Variants in C1QBP observed in about 807,000 individuals in gnomAD.
C1QBP encodes the protein complement component 1 Q subcomponent-binding protein, mitochondrial.
In C1QBP, 24 loss-of-function variants were observed where a neutral mutation model predicts 29.4. The ratio of observed to expected loss-of-function variants is 0.82; its 90% confidence interval spans 0.59 to 1.15. The LOEUF (loss-of-function observed/expected upper bound fraction) is 1.15. Among genes scored for constraint, C1QBP ranks in the 50% most tolerant of loss-of-function variants. C1QBP has a pLI of 0.00. For missense variants in C1QBP, 337 were observed against 355.8 expected (o/e 0.95, Z 0.43); for synonymous variants, 182 against 149.2 (o/e 1.22, Z -1.60).
intron 3 of C1QBP, 132 bp from the exon 4 acceptor site, chr17:5,433,899 A>T: frequency 1.3e-6 from 1 of 773,304 alleles, no homozygotes; most frequent in East Asian, 2.5e-5. Flanking sequence ...GTCTTATGCC[A>T]TACTATTCCC....
Position 5,438,856 on chromosome 17 carries a change from G to A in C1QBP, c.218C>T (p.Ser73Leu), listed in dbSNP as rs1052892904. 7 of 1,546,032 alleles carry A rather than the reference G, an allele frequency of 4.5e-6. 1 individual carries two copies. The highest frequency in any genetic ancestry group is 6.1e-6 in the Non-Finnish European group (7 of 1,145,804). ...CTAAACCTCACCGTCGGTGTGCAGC[G>A]AGCCGCAGCCACAGCCACAGGCGCA... ...GPCACGCGCG[S>L]LHTDGDKAFV... Residue 73 changes from serine to leucine, a missense_variant, in exon 1 of 6, where the codon TCG (serine) becomes TTG (leucine). Ser to Leu is a moderately radical substitution (Grantham distance 145). Transcript: ENST00000225698.
At chr17:5,437,747 C>T (rs1916313659) in intron 2 of C1QBP, among the ~76,000 whole-genome samples, 1 of 152,214 alleles carries the variant, frequency 6.6e-6, no homozygotes, top group Non-Finnish European at 1.5e-5. Flanking sequence ...AACTCCCCAC[C>T]TCTGATGGCA....
rs1277368372 is a variant in C1QBP, at chr17:5,433,492, A to AAACG, written c.577-78_577-77insCGTT. 15 of 1,583,354 alleles carry AAACG rather than the reference A, an allele frequency of 9.5e-6. No individual in the cohort carries two copies. In the East Asian group the frequency reaches 1.3e-4, roughly 14 times the overall value. ...CTCAGGGGAAGAAAGGGGGCCACTG[A>AAACG]CAGCATGAAACTCATCAGGTTTTAA... On this transcript the variant is annotated intron_variant, in intron 4 of 5. Transcript: ENST00000225698.
intron 2 of C1QBP, among the ~76,000 whole-genome samples, chr17:5,435,497 C>T (rs1005635667): frequency 6.6e-6 from 1 of 151,868 alleles, no homozygotes; most frequent in Admixed American, 6.6e-5. Context: ...AGCCCTGGAA[C>T]GGGGAAGGGA....
chr17:5,433,872 A>G, intron 3 of C1QBP, 105 bp from the exon 4 acceptor site: 2 of 984,006 alleles, frequency 2.0e-6, no homozygotes, highest in African/African-American at 1.6e-5. Flanking sequence ...TTAGGATATT[A>G]TGTAGCCATT....
In C1QBP at chr17:5,438,219, ATTT is replaced by A; in HGVS notation, c.284_286del (p.Lys95del). ...CTTAGGGAGGGTTTTATGCTTCTGA[ATTT>A]TTCTTTCCTCCTTAATTTCATCACT... On this transcript the variant is annotated inframe_deletion, in exon 2 of 6. Transcript: ENST00000225698. 1 of 1,614,088 alleles carries A rather than the reference ATTT, an allele frequency of 6.2e-7. No individual in the cohort carries two copies. The highest frequency in any genetic ancestry group is 1.1e-5 in the South Asian group (1 of 91,080).
In C1QBP at chr17:5,432,974, A is replaced by G. The variant is rs781552472; in HGVS notation, c.*41T>C. 3.1e-6 allele frequency: 5 copies of G among 1,589,266 alleles called. No homozygotes were observed. In the South Asian group the frequency reaches 5.7e-5, roughly 18 times the overall value. On this transcript the variant is annotated 3_prime_UTR_variant, in exon 6 of 6. Transcript: ENST00000225698. ...TCAGAGTAGGATTTGTTCACTGGCC[A>G]AAGCCTGCCATGAAACTATGGCTTT... is the stretch of plus-strand genomic sequence containing the variant.
At chr17:5,438,768 T>C (rs904490759) in intron 1 of C1QBP, 74 bp downstream of exon 1, 28 of 1,543,314 alleles carry the variant, frequency 1.8e-5, no homozygotes, top group Non-Finnish European at 2.4e-5. Context: ...CAGAGGTCGG[T>C]TGCAGGCCCT....
At chr17:5,438,084 A>T (rs1369783428) in intron 2 of C1QBP, 39 bp downstream of exon 2, 3 of 1,603,704 alleles carry the variant, frequency 1.9e-6, no homozygotes, top group East Asian at 2.2e-5. Flanking sequence ...TGCAAGGTTA[A>T]GGGAGTTGCT....
intron 3 of C1QBP, 128 bp from the exon 4 acceptor site, chr17:5,433,895 T>A: frequency 1.3e-6 from 1 of 797,466 alleles, no homozygotes; most frequent in Non-Finnish European, 2.1e-6. Flanking sequence ...AATAGTCTTA[T>A]GCCATACTAT....
At chr17:5,436,272 G>A (rs1916269635) in intron 2 of C1QBP, among the ~76,000 whole-genome samples, 3 of 151,130 alleles carry the variant, frequency 2.0e-5, no homozygotes, top group South Asian at 2.1e-4. Flanking sequence ...AAAACCTTGC[G>A]CAAATGGTGT....
chr17:5,436,698 AAACTT>A (rs1211816248), intron 2 of C1QBP, among the ~76,000 whole-genome samples: 1 of 150,728 alleles, frequency 6.6e-6, no homozygotes, highest in Non-Finnish European at 1.5e-5. Flanking sequence ...GTACCCAGAA[AAACTT>A]AACTTTTACA....
chr17:5,438,656 C>T, intron 1 of C1QBP, 186 bp downstream of exon 1: 1 of 1,286,202 alleles, frequency 7.8e-7, no homozygotes, highest in Non-Finnish European at 1.1e-6. Flanking sequence ...TCACCCCCTA[C>T]CAAAAGAAAA....
Position 5,438,248 on chromosome 17 carries a change from C to G in C1QBP, c.258G>C (p.Leu86=). The change falls in exon 2 of 6, where the codon CTG becomes CTC. Residue 86 remains leucine (L), a synonymous_variant. Coordinates refer to ENST00000225698, the MANE Select transcript of C1QBP (RefSeq NM_001212.4). The stretch of plus-strand genomic sequence containing the variant: ...TTCTTTCCTCCTTAATTTCATCACT[C>G]AGGAAATCAACAAAAGCTTTGTCTC... The part of the protein sequence containing the change: ...TDGDKAFVDF[L]SDEIKEERKI... 6.2e-7 allele frequency: 1 copy of G among 1,614,100 alleles called. No individual in the cohort carries two copies. The highest frequency in any genetic ancestry group is 8.5e-7 in the Non-Finnish European group (1 of 1,179,990).
rs539263893 is a variant in C1QBP, at chr17:5,433,481, G to C, written c.577-66C>G. ...GACAAGCTAGACTCAGGGGAAGAAA[G>C]GGGGCCACTGACAGCATGAAACTCA... is the stretch of plus-strand genomic sequence containing the variant. On this transcript the variant is annotated intron_variant, in intron 4 of 5. Transcript: ENST00000225698. The C allele has an allele frequency of 3.9e-5, 63 of 1,598,224 alleles. No individual in the cohort carries two copies. The African/African-American group carries it at 7.4e-4, about 19-fold the overall frequency.
At chr17:5,438,545 A>G (rs1916335358) in intron 1 of C1QBP, 1 of 703,180 alleles carries the variant, frequency 1.4e-6, no homozygotes, top group African/African-American at 1.8e-5. Flanking sequence ...TTGCCAAACG[A>G]TATAACTATG....
Position 5,433,108 on chromosome 17 carries a change from A to C in C1QBP, c.756T>G (p.Phe252Leu). The change falls in exon 6 of 6, where the codon TTT becomes TTG. Residue 252 changes from phenylalanine to leucine, a missense_variant. Coordinates refer to ENST00000225698, the MANE Select transcript of C1QBP (RefSeq NM_001212.4). The part of the protein sequence containing the change: ...FLADRGVDNT[F>L]ADELVELSTA... ...TGCTGAGCTCCACCAGCTCATCTGC[A>C]AAAGTGTTGTCCACCCCTCGGTCGG... 6.2e-7 allele frequency: 1 copy of C among 1,614,160 alleles called. No individual in the cohort carries two copies.
Position 5,439,113 on chromosome 17 carries a change from AC to A in C1QBP, c.-41del. On this transcript the variant is annotated 5_prime_UTR_variant, in exon 1 of 6. Coordinates refer to ENST00000225698, the MANE Select transcript of C1QBP (RefSeq NM_001212.4). ...CGAACACGTGCAGATGCAAAGGACA[AC>A]CCAGGCCTAGGCGCCCCGCGACCTG... 3 of 1,537,244 alleles carry A rather than the reference AC, an allele frequency of 2.0e-6. No homozygotes were observed. Among genetic ancestry groups the A allele is most frequent in the Non-Finnish European group, 2.6e-6 (3 of 1,141,792 alleles).
At chr17:5,434,683 G>A (rs1013253875) in intron 3 of C1QBP, 190 bp downstream of exon 3, 9 of 432,914 alleles carry the variant, frequency 2.1e-5, no homozygotes, top group Non-Finnish European at 3.4e-5. Flanking sequence ...GGCCAGGATG[G>A]TCTCGATCTC....
Sources: allele counts gnomAD v4.1 joint callset (sites outside exome capture counted in the v4.1 genomes callset), GRCh38; gene constraint gnomAD v4.1.1; transcripts MANE v1.5; gene names NCBI Gene and HGNC (gene_info 2026-07-23, HGNC 2026-07-21).